Variants in CLASP1 observed in about 807,000 individuals in gnomAD.
CLASP1 encodes cytoplasmic linker associated protein 1.
In CLASP1, 38 loss-of-function variants were observed where a neutral mutation model predicts 192.3. That is an observed-to-expected ratio of 0.20 (90% confidence interval 0.15 to 0.26). The LOEUF (loss-of-function observed/expected upper bound fraction) is 0.26. Among genes scored for constraint, CLASP1 ranks in the 10% least tolerant of loss-of-function variants. The pLI is 1.00. For synonymous variants in CLASP1, 691 were observed against 712.8 expected (o/e 0.97, Z 0.49); for missense variants, 1,433 against 1,932.5 (o/e 0.74, Z 4.85).
chr2:121,425,727 T>C (rs556381216), intron 21 of CLASP1, among the ~76,000 whole-genome samples: 92 of 152,102 alleles, frequency 6.0e-4, no homozygotes, highest in Non-Finnish European at 1.1e-3. Flanking sequence ...ACAAATGATA[T>C]AAAAGGGAGT....
chr2:121,401,466 G>A lies in CLASP1; in HGVS notation c.2900+43C>T, dbSNP rs1408393891. ...GAGAATGGCAAAAAGTCACTTACAA[G>A]TATCCTGTAACATCAAAATGGACCT... is the stretch of plus-strand genomic sequence containing the variant. On this transcript the variant is annotated intron_variant, in intron 28 of 39. Coordinates refer to ENST00000263710, the Ensembl canonical transcript of CLASP1. 15 of 1,523,906 alleles carry A rather than the reference G, an allele frequency of 9.8e-6. No individual in the cohort carries two copies. In the South Asian group the frequency reaches 1.7e-4, roughly 17 times the overall value. The allele number at this position is 1,523,906 out of a possible 1,614,324, so 94.4% of individuals were successfully genotyped here. A position where few individuals can be genotyped will look rare whatever the true frequency, so the allele number is the denominator to read the frequency against.
chr2:121,445,389 T>C, intron 19 of CLASP1: 1 of 1,090,092 alleles, frequency 9.2e-7, no homozygotes, highest in South Asian at 1.3e-5. Context: ...CAGAGAAGCT[T>C]GCTCTAGCAA....
Position 121,451,010 on chromosome 2 carries a change from A to G in CLASP1, c.1446-20T>C. On this transcript the variant is annotated intron_variant, in intron 15 of 39. Coordinates refer to ENST00000263710, the Ensembl canonical transcript of CLASP1. ...ATGTGTCTAGATATTTAGAAAAGAAAGCAGTAACAATCATAAATGTATGGT... is the reference window on the plus strand; with the variant it reads ...ATGTGTCTAGATATTTAGAAAAGAAGGCAGTAACAATCATAAATGTATGGT... 6.9e-7 allele frequency: 1 copy of G among 1,454,798 alleles called. No homozygotes were observed. Among genetic ancestry groups the G allele is most frequent in the East Asian group, 2.3e-5 (1 of 43,924 alleles). 90.1% of individuals were successfully genotyped at this position (1,454,798 alleles called of 1,614,324 possible).
chr2:121,425,135 T>A lies in CLASP1; in HGVS notation c.2212+4A>T. The stretch of plus-strand genomic sequence containing the variant: ...GGTATTCCAAGATCTTTGAGAATCC[T>A]TACCTAATCCTATTCGGTTTGGACT... On this transcript the variant is annotated splice_donor_region_variant and intron_variant, in intron 22 of 39. Coordinates refer to ENST00000263710, the Ensembl canonical transcript of CLASP1. The A allele has an allele frequency of 6.2e-7, 1 of 1,600,406 alleles. No individual in the cohort carries two copies. Among genetic ancestry groups the A allele is most frequent in the Non-Finnish European group, 8.5e-7 (1 of 1,174,486 alleles).
intron 8 of CLASP1, among the ~76,000 whole-genome samples, chr2:121,485,320 A>G (rs963600354): frequency 6.6e-6 from 1 of 152,228 alleles, no homozygotes; most frequent in Non-Finnish European, 1.5e-5. Context: ...GGGCCCTACA[A>G]AAAGTGTACT....
intron 19 of CLASP1, among the ~76,000 whole-genome samples, chr2:121,432,479 T>G (rs546190383): frequency 8.5e-5 from 13 of 152,358 alleles, no homozygotes; most frequent in African/African-American, 3.1e-4. Context: ...ATTCGCCTTT[T>G]CCTAAGCCCT....
chr2:121,413,484 T>C (rs2078064106), intron 23 of CLASP1, among the ~76,000 whole-genome samples: 1 of 152,190 alleles, frequency 6.6e-6, no homozygotes, highest in Non-Finnish European at 1.5e-5. Flanking sequence ...TGTATTACTG[T>C]ATGCTTACTT....
chr2:121,541,535 A>C (rs562280946), intron 2 of CLASP1, among the ~76,000 whole-genome samples: 2 of 152,040 alleles, frequency 1.3e-5, no homozygotes, highest in Admixed American at 6.6e-5. Flanking sequence ...TATACACAAA[A>C]CCCCACATTT....
chr2:121,534,965 G>T (rs549052396), intron 2 of CLASP1, among the ~76,000 whole-genome samples: 2 of 152,160 alleles, frequency 1.3e-5, no homozygotes, highest in African/African-American at 4.8e-5. Flanking sequence ...AATTGCAAAC[G>T]GACTTTAAAA....
chr2:121,454,919 T>C (rs915693947), intron 14 of CLASP1, among the ~76,000 whole-genome samples: 1 of 152,246 alleles, frequency 6.6e-6, no homozygotes, highest in Non-Finnish European at 1.5e-5. Flanking sequence ...TTTTACGTAA[T>C]GATTGTGAAT....
At chr2:121,524,755 G>A (rs940560553) in intron 6 of CLASP1, among the ~76,000 whole-genome samples, 4 of 152,088 alleles carry the variant, frequency 2.6e-5, no homozygotes, top group East Asian at 1.9e-4. Flanking sequence ...CCACGTGCCC[G>A]GCCTAATGCT....
intron 1 of CLASP1, among the ~76,000 whole-genome samples, chr2:121,607,214 C>T (rs555048618): frequency 6.6e-6 from 1 of 152,140 alleles, no homozygotes; most frequent in African/African-American, 2.4e-5. Flanking sequence ...TGGTGGACAC[C>T]TGTAATCCCA....
exon 22 of CLASP1, chr2:121,425,188 G>A: frequency 3.7e-6 from 6 of 1,612,580 alleles, no homozygotes; most frequent in Non-Finnish European, 4.2e-6. Flanking sequence ...CCTGGCTCCT[G>A]GGAATCTTGC....
At chr2:121,492,561 G>A (rs2093363910) in intron 8 of CLASP1, among the ~76,000 whole-genome samples, 1 of 151,656 alleles carries the variant, frequency 6.6e-6, no homozygotes, top group African/African-American at 2.4e-5. Flanking sequence ...ATCAACAAAT[G>A]GCCAGTAAGC....
At chr2:121,542,321 T>C (rs1046179683) in intron 2 of CLASP1, among the ~76,000 whole-genome samples, 1 of 152,250 alleles carries the variant, frequency 6.6e-6, no homozygotes, top group Non-Finnish European at 1.5e-5. Flanking sequence ...CTGTTAGCTC[T>C]GTTTTTAATG....
intron 1 of CLASP1, among the ~76,000 whole-genome samples, chr2:121,633,921 G>A (rs2070298846): frequency 6.6e-6 from 1 of 151,836 alleles, no homozygotes; most frequent in Admixed American, 6.6e-5. Flanking sequence ...GCAGGAGAAT[G>A]GCGTGAACCT....
chr2:121,404,046 T>C (rs533358843), intron 26 of CLASP1, among the ~76,000 whole-genome samples: 173 of 152,340 alleles, frequency 1.1e-3, no homozygotes, highest in African/African-American at 4.0e-3. Flanking sequence ...TATTATAATA[T>C]AATCTTATAC....
chr2:121,512,586 T>G (rs1300197388), intron 7 of CLASP1, among the ~76,000 whole-genome samples: 1 of 152,206 alleles, frequency 6.6e-6, no homozygotes, highest in Non-Finnish European at 1.5e-5. Context: ...CTACCTCCAC[T>G]TTATTATCTG....
chr2:121,549,696 C>A (rs2057824005), intron 2 of CLASP1, among the ~76,000 whole-genome samples: 3 of 133,744 alleles, frequency 2.2e-5, no homozygotes, highest in East Asian at 2.1e-4. Context: ...GGACATAAAA[C>A]AATCCTCTGC....
Sources: gnomAD v4.1 joint callset for allele counts (sites outside exome capture counted in the v4.1 genomes callset) on GRCh38, gnomAD v4.1.1 for gene constraint, MANE v1.5 for transcripts, NCBI Gene and HGNC (gene_info 2026-07-23, HGNC 2026-07-21) for gene names.